The following PRKCE variants were observed in gnomAD, a reference collection of about 807,000 sequenced individuals.
PRKCE encodes protein kinase C epsilon, also known as protein kinase C epsilon type.
Under a neutral mutation model 85.4 loss-of-function variants are expected in PRKCE, and 16 were observed. That is an observed-to-expected ratio of 0.19 (90% CI 0.13 to 0.28). The LOEUF (loss-of-function observed/expected upper bound fraction) is 0.28, where lower values mean the gene tolerates loss of function less well. Ranked by LOEUF, PRKCE falls within the 10% of genes least tolerant of loss-of-function variation. PRKCE has a pLI of 1.00. For synonymous variants in PRKCE, 388 were observed against 371.5 expected, an observed-to-expected ratio of 1.04 and a Z score of -0.51; for missense variants, 573 against 975.2, an observed-to-expected ratio of 0.59 and a Z score of 5.49.
chr2:45,914,206 A>T (rs1380868983), intron 2 of PRKCE, among the ~76,000 whole-genome samples: 1 of 152,252 alleles, frequency 6.6e-6, no homozygotes, highest in Admixed American at 6.5e-5. Flanking sequence ...TTAGGAAGAT[A>T]AATTCATATG....
At chr2:45,940,590 G>C (rs1263481415) in intron 2 of PRKCE, among the ~76,000 whole-genome samples, 1 of 152,072 alleles carries the variant, frequency 6.6e-6, no homozygotes, top group Admixed American at 6.6e-5. Context: ...TTGTATCCAG[G>C]GCCAGGTACA....
intron 1 of PRKCE, among the ~76,000 whole-genome samples, chr2:45,758,581 A>G (rs992595614): frequency 1.2e-4 from 19 of 152,090 alleles, no homozygotes; most frequent in Admixed American, 8.5e-4. Flanking sequence ...ATGTTACCCC[A>G]TCAGAGAGGC....
chr2:46,043,546 G>A (rs1708341358), intron 10 of PRKCE, among the ~76,000 whole-genome samples: 1 of 152,124 alleles, frequency 6.6e-6, no homozygotes, highest in South Asian at 2.1e-4. Flanking sequence ...AAGGTATTAT[G>A]GTAAGTAATA....
chr2:46,073,647 C>T (rs974161607), intron 10 of PRKCE: 2 of 152,144 alleles, frequency 1.3e-5, no homozygotes, highest in African/African-American at 2.4e-5. Context: ...CGGTTGCTTC[C>T]TGCATTCCAG....
At chr2:45,834,767 G>T (rs1464838273) in intron 1 of PRKCE, among the ~76,000 whole-genome samples, 1 of 152,048 alleles carries the variant, frequency 6.6e-6, no homozygotes, top group Admixed American at 6.6e-5. Context: ...TTTAGGACTC[G>T]CATGGTGATC....
chr2:45,980,089 C>G (rs185487469), intron 4 of PRKCE, among the ~76,000 whole-genome samples: 1 of 152,328 alleles, frequency 6.6e-6, no homozygotes, highest in Admixed American at 6.5e-5. Context: ...TTACCTTGCT[C>G]TCTGGAGCAT....
In PRKCE at chr2:46,168,746, G is replaced by A. The variant is rs574079619; in HGVS notation, c.2067+8994G>A. On this transcript the variant is annotated intron_variant, in intron 14 of 14. Coordinates refer to ENST00000306156, the MANE Select transcript of PRKCE (RefSeq NM_005400.3). ...TGCTCATTTGGAAGAGGAATTTGGAGCTCTGCCTTTCAAGGTTTGAGGACA... is the reference window on the plus strand; with the variant it reads ...TGCTCATTTGGAAGAGGAATTTGGAACTCTGCCTTTCAAGGTTTGAGGACA... 2.0e-5 allele frequency among the ~76,000 whole-genome samples: 3 copies of A among 152,338 alleles called. No homozygotes were observed. In the East Asian group the frequency reaches 5.8e-4, roughly 29 times the overall value.
chr2:45,787,868 G>C (rs1262418938), intron 1 of PRKCE, among the ~76,000 whole-genome samples: 1 of 152,166 alleles, frequency 6.6e-6, no homozygotes, highest in Non-Finnish European at 1.5e-5. Flanking sequence ...CCTGTGCAGG[G>C]GAGTGATATG....
At chr2:46,011,759 A>C (rs960129117) in intron 10 of PRKCE, among the ~76,000 whole-genome samples, 2 of 152,006 alleles carry the variant, frequency 1.3e-5, no homozygotes, top group African/African-American at 4.8e-5. Flanking sequence ...AGGGTCCCCC[A>C]TCTCTCTCTT....
chr2:45,677,398 G>A (rs1320989119), intron 1 of PRKCE, among the ~76,000 whole-genome samples: 1 of 142,722 alleles, frequency 7.0e-6, no homozygotes, highest in Non-Finnish European at 1.5e-5. Context: ...CGCCCAGGCC[G>A]GACTGCGGAC....
At chr2:45,977,159 A>G (rs1558910170) in intron 3 of PRKCE, among the ~76,000 whole-genome samples, 1 of 152,066 alleles carries the variant, frequency 6.6e-6, no homozygotes, top group Non-Finnish European at 1.5e-5. Flanking sequence ...TGCCCCCCAA[A>G]GTGCTGGGAT....
chr2:45,715,089 G>A (rs1285004858), intron 1 of PRKCE, among the ~76,000 whole-genome samples: 1 of 152,242 alleles, frequency 6.6e-6, no homozygotes, highest in East Asian at 1.9e-4. Flanking sequence ...CCACAGGCAG[G>A]CAGGCAACTC....
Position 45,661,523 on chromosome 2 carries a change from G to GTTTTTTTTTTTTTTTTTTT in PRKCE, c.348+9081_348+9082insTTTTTTTTTTTTTTTTTTT, listed in dbSNP as rs367628974. On this transcript the variant is annotated intron_variant, in intron 1 of 14. Transcript: ENST00000306156. ...TTTTTTTTGTTTTGTTTTGTTTTTT[G>GTTTTTTTTTTTTTTTTTTT]TTTTTTGTTTTTTTTTTTTTTTTTA... Among the ~76,000 whole-genome samples, 13 of 96,666 alleles carry GTTTTTTTTTTTTTTTTTTT rather than the reference G, an allele frequency of 1.3e-4. 2 individuals are homozygous for GTTTTTTTTTTTTTTTTTTT. The highest frequency in any genetic ancestry group is 3.0e-4 in the East Asian group (1 of 3,316). The allele number at this position is 96,666 out of a possible 152,430, so 63.4% of individuals were successfully genotyped here. A position where few individuals can be genotyped will look rare whatever the true frequency, so the allele number is the denominator to read the frequency against.
chr2:45,810,340 C>G (rs1015766260), intron 1 of PRKCE, among the ~76,000 whole-genome samples: 2 of 152,116 alleles, frequency 1.3e-5, no homozygotes, highest in Non-Finnish European at 2.9e-5. Context: ...CGCGCCCAGC[C>G]AAAGGATAAC....
At chr2:45,967,039 T>C (rs1244037982) in intron 2 of PRKCE, among the ~76,000 whole-genome samples, 1 of 152,230 alleles carries the variant, frequency 6.6e-6, no homozygotes, top group African/African-American at 2.4e-5. Flanking sequence ...GCTGTATATG[T>C]CTGATCTCCT....
rs570570797 is a variant in PRKCE at position 45,857,905 on chromosome 2, T to C, written c.412+14842T>C. Among the ~76,000 whole-genome samples, 19 of 152,314 alleles carry C rather than the reference T, an allele frequency of 1.2e-4. No individual in the cohort carries two copies. In the South Asian group the frequency reaches 1.5e-3, roughly 12 times the overall value. On this transcript the variant is annotated intron_variant, in intron 2 of 14. Transcript: ENST00000306156. ...TTGTTAAATGATTAAGGAATGGCCG[T>C]TGTAAATGGTGCCAGGTAAAAATGG...
chr2:45,704,448 C>G (rs1388328900), intron 1 of PRKCE, among the ~76,000 whole-genome samples: 1 of 152,200 alleles, frequency 6.6e-6, no homozygotes, highest in Non-Finnish European at 1.5e-5. Flanking sequence ...CAGGTAAAGA[C>G]TAGTTCAGAA....
intron 1 of PRKCE, among the ~76,000 whole-genome samples, chr2:45,790,043 A>C (rs1197173141): frequency 1.3e-5 from 2 of 152,230 alleles, no homozygotes; most frequent in Non-Finnish European, 2.9e-5. Context: ...CCTGAATTAC[A>C]GAGCTGGCAG....
chr2:45,913,166 A>G (rs527960477), intron 2 of PRKCE, among the ~76,000 whole-genome samples: 1 of 152,310 alleles, frequency 6.6e-6, no homozygotes, highest in Non-Finnish European at 1.5e-5. Context: ...TTTTCTTTTG[A>G]GACAGGGTCT....
Sources: gnomAD v4.1 joint callset for allele counts (sites outside exome capture counted in the v4.1 genomes callset) on GRCh38, gnomAD v4.1.1 for gene constraint, MANE v1.5 for transcripts, NCBI Gene and HGNC (gene_info 2026-07-23, HGNC 2026-07-21) for gene names.